The following TRPC4AP variants were observed in gnomAD, a reference collection of about 807,000 sequenced individuals.
The protein encoded by TRPC4AP is transient receptor potential cation channel subfamily C member 4 associated protein.
TRPC4AP carries 45 observed loss-of-function variants against 99.0 expected under a neutral mutation model. That is an observed-to-expected ratio of 0.45 (90% CI 0.36 to 0.58). TRPC4AP has a LOEUF of 0.58. Ranked by LOEUF, TRPC4AP falls within the 20% of genes least tolerant of loss-of-function variation. The pLI, the probability that TRPC4AP is intolerant of heterozygous loss-of-function variation, is 0.00. For missense variants in TRPC4AP, 879 were observed against 985.3 expected (o/e 0.89, Z 1.44); for synonymous variants, 408 against 385.8 (o/e 1.06, Z -0.67).
intron 17 of TRPC4AP, among the ~76,000 whole-genome samples, chr20:35,003,906 G>A (rs910625404): frequency 1.3e-5 from 2 of 152,172 alleles, no homozygotes; most frequent in South Asian, 2.1e-4. Flanking sequence ...CGGAAGGTCC[G>A]TCCCAGGCAG....
chr20:35,036,113 G>C (rs1282694186), intron 7 of TRPC4AP, among the ~76,000 whole-genome samples: 1 of 152,202 alleles, frequency 6.6e-6, no homozygotes, highest in African/African-American at 2.4e-5. Flanking sequence ...TTCACAATGA[G>C]TGAGGTGGAA....
Position 35,076,030 on chromosome 20 carries a change from T to C in TRPC4AP, c.297+2016A>G, listed in dbSNP as rs1393213656. Among the ~76,000 whole-genome samples the C allele has an allele frequency of 2.0e-5, 3 of 152,220 alleles. No individual in the cohort carries two copies. In the East Asian group the frequency reaches 5.8e-4, roughly 29 times the overall value. On this transcript the variant is annotated intron_variant, in intron 2 of 18. Coordinates refer to ENST00000252015, the MANE Select transcript of TRPC4AP (RefSeq NM_015638.3). ...ATTTGATCTTCAATCACTGATACCC[T>C]TTCTTCCACTTGATCGAATTGGCTA...
intron 7 of TRPC4AP, among the ~76,000 whole-genome samples, chr20:35,040,627 C>T (rs2083426742): frequency 6.6e-6 from 1 of 152,090 alleles, no homozygotes; most frequent in Non-Finnish European, 1.5e-5. Context: ...TTTTTGGAGA[C>T]GGAGTTTCAC....
intron 5 of TRPC4AP, among the ~76,000 whole-genome samples, chr20:35,050,302 C>T (rs1010764496): frequency 6.6e-6 from 1 of 152,166 alleles, no homozygotes; most frequent in Admixed American, 6.5e-5. Context: ...TGAAATCAAA[C>T]AGTGCCGAAG....
At chr20:35,007,485 A>G (rs2082538406) in intron 14 of TRPC4AP, 65 bp downstream of exon 14, 1 of 1,514,960 alleles carries the variant, frequency 6.6e-7, no homozygotes, top group Non-Finnish European at 9.2e-7. Context: ...GGCTCAGGAC[A>G]GGACACAGCA....
At chr20:35,075,770 C>T (rs552547790) in intron 2 of TRPC4AP, among the ~76,000 whole-genome samples, 3 of 152,200 alleles carry the variant, frequency 2.0e-5, no homozygotes, top group Non-Finnish European at 2.9e-5. Flanking sequence ...ATCTTTGTGG[C>T]GTTCTCTGTA....
At chr20:35,021,971 A>G (rs2082900584) in intron 8 of TRPC4AP, among the ~76,000 whole-genome samples, 1 of 152,226 alleles carries the variant, frequency 6.6e-6, no homozygotes, top group African/African-American at 2.4e-5. Context: ...CATCAACAGC[A>G]GCTAAGTGAT....
intron 13 of TRPC4AP, 50 bp from the exon 14 acceptor site, chr20:35,007,690 C>T (rs527397365): frequency 7.3e-5 from 116 of 1,587,288 alleles, no homozygotes; most frequent in Non-Finnish European, 8.9e-5. Flanking sequence ...TCTTCCGGCC[C>T]ATGTTCAGTT....
At chr20:35,015,101 G>A (rs2082719417) in intron 10 of TRPC4AP, among the ~76,000 whole-genome samples, 1 of 152,184 alleles carries the variant, frequency 6.6e-6, no homozygotes, top group Admixed American at 6.5e-5. Context: ...CCGGGTTCAA[G>A]TGATTCTCCC....
chr20:35,039,616 G>A (rs935137446), intron 7 of TRPC4AP, among the ~76,000 whole-genome samples: 2 of 152,078 alleles, frequency 1.3e-5, no homozygotes, highest in Admixed American at 6.5e-5. Flanking sequence ...CCATACTCCT[G>A]TAGTTTCCCC....
intron 1 of TRPC4AP, 58 bp downstream of exon 1, chr20:35,092,556 C>A: frequency 1.4e-6 from 2 of 1,404,002 alleles, no homozygotes; most frequent in South Asian, 3.0e-5. Context: ...CTTCCCCGGC[C>A]CCCCGCCAGC....
chr20:35,046,529 C>T (rs2083565525), intron 6 of TRPC4AP, among the ~76,000 whole-genome samples: 1 of 152,174 alleles, frequency 6.6e-6, no homozygotes, highest in Non-Finnish European at 1.5e-5. Flanking sequence ...ATATATCCTA[C>T]CCTTTCTCCT....
intron 14 of TRPC4AP, 95 bp downstream of exon 14, chr20:35,007,455 G>T: frequency 2.3e-6 from 3 of 1,289,396 alleles, no homozygotes; most frequent in Non-Finnish European, 3.3e-6. Context: ...GATCTGCTCT[G>T]CTCCTGATGA....
intron 1 of TRPC4AP, among the ~76,000 whole-genome samples, chr20:35,084,983 G>A (rs1455693370): frequency 3.3e-5 from 5 of 152,220 alleles, no homozygotes; most frequent in Non-Finnish European, 5.9e-5. Context: ...CGAGTAAGAA[G>A]GAATCGAATG....
intron 7 of TRPC4AP, among the ~76,000 whole-genome samples, chr20:35,037,945 C>T (rs1368470655): frequency 6.6e-6 from 1 of 151,888 alleles, no homozygotes; most frequent in African/African-American, 2.4e-5. Flanking sequence ...ATGACAAAAT[C>T]ACCTCACTGC....
At chr20:35,043,760 G>T (rs554995643) in intron 7 of TRPC4AP, among the ~76,000 whole-genome samples, 6 of 152,280 alleles carry the variant, frequency 3.9e-5, no homozygotes, top group Non-Finnish European at 5.9e-5. Flanking sequence ...GCTGTAATAA[G>T]AGTTATACGA....
intron 3 of TRPC4AP, among the ~76,000 whole-genome samples, chr20:35,060,991 C>A (rs182162168): frequency 4.4e-4 from 67 of 151,894 alleles, no homozygotes; most frequent in South Asian, 2.9e-3. Context: ...TCTAAGGCAA[C>A]TAGAGAAAAA....
chr20:35,066,102 A>G (rs1416415136), intron 3 of TRPC4AP, among the ~76,000 whole-genome samples: 1 of 152,080 alleles, frequency 6.6e-6, no homozygotes, highest in African/African-American at 2.4e-5. Context: ...ATACCGCATA[A>G]AGAGTACAAT....
At chr20:35,059,419 G>A (rs1048972677) in intron 3 of TRPC4AP, among the ~76,000 whole-genome samples, 1 of 152,164 alleles carries the variant, frequency 6.6e-6, no homozygotes, top group Admixed American at 6.5e-5. Flanking sequence ...CAAGACTCTG[G>A]GCGGCTGAGG....
Sources: allele counts gnomAD v4.1 joint callset (sites outside exome capture counted in the v4.1 genomes callset), GRCh38; gene constraint gnomAD v4.1.1; transcripts MANE v1.5; gene names NCBI Gene and HGNC (gene_info 2026-07-23, HGNC 2026-07-21).